The following ARHGEF4 variants were observed in gnomAD, a reference collection of about 807,000 sequenced individuals.
The protein encoded by ARHGEF4 is Rho guanine nucleotide exchange factor 4, also known as APC-stimulated guanine nucleotide exchange factor 1.
Under a neutral mutation model 162.0 loss-of-function variants are expected in ARHGEF4, and 119 were observed. That is an observed-to-expected ratio of 0.73 (90% confidence interval 0.63 to 0.86). The LOEUF is 0.86. Among genes scored for constraint, ARHGEF4 ranks in the 40% least tolerant of loss-of-function variants. The pLI is 0.00. For synonymous variants in ARHGEF4, 1,014 were observed against 979.9 expected, an observed-to-expected ratio of 1.03 and a Z score of -0.65; for missense variants, 2,488 against 2,456.0, an observed-to-expected ratio of 1.01 and a Z score of -0.28.
intron 1 of ARHGEF4, among the ~76,000 whole-genome samples, chr2:130,856,500 C>T (rs1479837408): frequency 2.0e-5 from 3 of 152,164 alleles, no homozygotes; most frequent in Admixed American, 2.0e-4. Flanking sequence ...ATTCCTCAGG[C>T]TGAGAGCAAG....
Position 130,931,065 on chromosome 2 carries a change from A to G in ARHGEF4, c.3666A>G (p.Thr1222=), listed in dbSNP as rs1281489465. 5.0e-6 allele frequency: 8 copies of G among 1,614,176 alleles called. No individual in the cohort carries two copies. The highest frequency in any genetic ancestry group is 4.0e-5 in the African/African-American group (3 of 75,062). The part of the protein sequence containing the change: ...QKPCFTTDMV[T]WALLCISAET... ...CCTGCTTCACCACTGACATGGTGAC[A>G]TGGGCCCTCCTCTGCATCTCTGCAG... Residue 1222 remains threonine, a synonymous_variant, in exon 3 of 14, where the codon ACA becomes ACG. Coordinates refer to ENST00000409359, the MANE Select transcript of ARHGEF4 (RefSeq NM_001367493.1).
intron 4 of ARHGEF4, among the ~76,000 whole-genome samples, chr2:131,002,238 G>T (rs1181257201): frequency 6.6e-6 from 1 of 152,154 alleles, no homozygotes; most frequent in Non-Finnish European, 1.5e-5. Context: ...TTTTTGAAAA[G>T]ATTAATATGT....
chr2:130,918,176 A>G (rs759127960), intron 2 of ARHGEF4, among the ~76,000 whole-genome samples: 1 of 152,200 alleles, frequency 6.6e-6, no homozygotes, highest in East Asian at 1.9e-4. Flanking sequence ...GTTGTCTTCT[A>G]GTACTTTAAT....
chr2:130,924,367 A>C (rs532330828), intron 2 of ARHGEF4, among the ~76,000 whole-genome samples: 1 of 143,934 alleles, frequency 6.9e-6, no homozygotes, highest in South Asian at 2.3e-4. Flanking sequence ...CCCGGGTTCG[A>C]ATTATTCTCC....
intron 4 of ARHGEF4, among the ~76,000 whole-genome samples, chr2:131,005,537 A>G (rs1163985737): frequency 1.3e-5 from 2 of 152,124 alleles, no homozygotes; most frequent in African/African-American, 4.8e-5. Flanking sequence ...TGCATCTGAG[A>G]TCTGTGAGTG....
At chr2:130,941,279 C>T (rs2105134684) in intron 3 of ARHGEF4, among the ~76,000 whole-genome samples, 1 of 151,252 alleles carries the variant, frequency 6.6e-6, no homozygotes, top group East Asian at 1.9e-4. Context: ...TGATCTCAGC[C>T]CACTTCAACC....
At chr2:130,903,813 A>G (rs1012266190) in intron 1 of ARHGEF4, among the ~76,000 whole-genome samples, 3 of 152,182 alleles carry the variant, frequency 2.0e-5, no homozygotes, top group East Asian at 3.8e-4. Context: ...TTCACTTAGG[A>G]TGGTGGCCTC....
rs984515180 is a variant in ARHGEF4 at position 130,977,047 on chromosome 2, GGT to G, written c.3985+30418_3985+30419del. On this transcript the variant is annotated intron_variant, in intron 4 of 13. Coordinates refer to ENST00000409359, the MANE Select transcript of ARHGEF4 (RefSeq NM_001367493.1). Reference sequence around the variant, plus strand: ...GTTAAGTGTGAATGGTGTGTGTGTTGGTGTGTGGTGTGTTTTGTATGTGTGTT... The same window carrying G: ...GTTAAGTGTGAATGGTGTGTGTGTTGGTGTGGTGTGTTTTGTATGTGTGTT... Among the ~76,000 whole-genome samples, 5 of 150,254 alleles carry G rather than the reference GGT, an allele frequency of 3.3e-5. 1 individual carries two copies. The highest frequency in any genetic ancestry group is 2.7e-4 in the Admixed American group (4 of 15,074).
chr2:131,005,418 C>A (rs972348524), intron 4 of ARHGEF4, among the ~76,000 whole-genome samples: 1 of 152,212 alleles, frequency 6.6e-6, no homozygotes, highest in Non-Finnish European at 1.5e-5. Flanking sequence ...AACAGCCACT[C>A]CCTGCCGTCC....
intron 4 of ARHGEF4, among the ~76,000 whole-genome samples, chr2:130,992,099 G>A (rs1687029998): frequency 6.6e-6 from 1 of 152,178 alleles, no homozygotes; most frequent in African/African-American, 2.4e-5. Flanking sequence ...GAACCTTTGT[G>A]TCCATACTCT....
chr2:131,015,535 C>T (rs79132990), intron 4 of ARHGEF4, among the ~76,000 whole-genome samples: 3,460 of 152,168 alleles, frequency 0.023, 126 homozygotes, highest in African/African-American at 0.078. Flanking sequence ...GCTGGTTGAC[C>T]GGTTGTTCTG....
chr2:131,022,261 C>G (rs1256763141), intron 4 of ARHGEF4, among the ~76,000 whole-genome samples: 1 of 152,116 alleles, frequency 6.6e-6, no homozygotes, highest in Non-Finnish European at 1.5e-5. Flanking sequence ...GAATTCACTA[C>G]CAGATGGTAG....
chr2:130,891,478 C>A (rs1020709212), intron 1 of ARHGEF4, among the ~76,000 whole-genome samples: 6 of 152,180 alleles, frequency 3.9e-5, no homozygotes, highest in African/African-American at 7.2e-5. Flanking sequence ...CTCTACTCTG[C>A]CATTGTAGCC....
intron 1 of ARHGEF4, among the ~76,000 whole-genome samples, chr2:130,879,393 G>A (rs995661959): frequency 7.2e-5 from 11 of 152,170 alleles, no homozygotes; most frequent in African/African-American, 2.4e-4. Context: ...GTGGAATGGC[G>A]AAATCAAGCC....
At chr2:130,975,095 C>T (rs1312790213) in intron 4 of ARHGEF4, among the ~76,000 whole-genome samples, 9 of 152,128 alleles carry the variant, frequency 5.9e-5, no homozygotes, top group Non-Finnish European at 1.0e-4. Flanking sequence ...GACGGATGGA[C>T]GTGCTGTCTG....
rs55904944 is a variant in ARHGEF4 at position 130,926,810 on chromosome 2, A to ATTTTTTTTTTTTTTTTTTTT, written c.3553-4133_3553-4114dup. Among the ~76,000 whole-genome samples the ATTTTTTTTTTTTTTTTTTTT allele has an allele frequency of 1.4e-4, 7 of 48,954 alleles. 2 individuals carry two copies. The highest frequency in any genetic ancestry group is 1.7e-3 in the East Asian group (2 of 1,154). 32.1% of individuals were successfully genotyped at this position (48,954 alleles called of 152,430 possible). A position where few individuals can be genotyped will look rare whatever the true frequency, so the allele number is the denominator to read the frequency against. ...TAAACCTGAGAGGGACTTCTGGCTG[A>ATTTTTTTTTTTTTTTTTTTT]TTTTTTTTTTTTTTTTTTTTTTTTT... On this transcript the variant is annotated intron_variant, in intron 2 of 13. Transcript: ENST00000409359.
At chr2:130,887,642 C>G (rs962551918) in intron 1 of ARHGEF4, among the ~76,000 whole-genome samples, 1 of 151,952 alleles carries the variant, frequency 6.6e-6, no homozygotes, top group Non-Finnish European at 1.5e-5. Context: ...TTAAGGAGTT[C>G]TTGGTTTCTG....
intron 1 of ARHGEF4, among the ~76,000 whole-genome samples, chr2:130,856,554 T>A (rs1343200559): frequency 1.3e-5 from 2 of 152,200 alleles, no homozygotes; most frequent in Non-Finnish European, 1.5e-5. Flanking sequence ...AAATCGAGAT[T>A]GCCAGTAAAA....
intron 2 of ARHGEF4, among the ~76,000 whole-genome samples, chr2:130,919,709 C>T (rs906537023): frequency 3.3e-4 from 50 of 152,198 alleles, no homozygotes; most frequent in African/African-American, 1.2e-3. Context: ...AACCCCGTCT[C>T]TACTAAAAAT....
Sources: gnomAD v4.1 joint callset for allele counts (sites outside exome capture counted in the v4.1 genomes callset) on GRCh38, gnomAD v4.1.1 for gene constraint, MANE v1.5 for transcripts, NCBI Gene and HGNC (gene_info 2026-07-23, HGNC 2026-07-21) for gene names.